DPP10: variants seen among roughly 807,000 people sequenced by gnomAD.
DPP10 encodes dipeptidyl peptidase like 10, also known as inactive dipeptidyl peptidase 10.
Under a neutral mutation model 120.9 loss-of-function variants are expected in DPP10, and 33 were observed. That is an observed-to-expected ratio of 0.27 (90% CI 0.21 to 0.37). DPP10 has a LOEUF of 0.37. Among genes scored for constraint, DPP10 ranks in the 10% least tolerant of loss-of-function variants. The pLI, the probability that DPP10 is intolerant of heterozygous loss-of-function variation, is 1.00. For missense variants in DPP10, 816 were observed against 942.8 expected, an observed-to-expected ratio of 0.87 and a Z score of 1.76; for synonymous variants, 337 against 326.1, an observed-to-expected ratio of 1.03 and a Z score of -0.36.
At chr2:115,229,914 A>G (rs1442626710) in intron 1 of DPP10, among the ~76,000 whole-genome samples, 1 of 142,306 alleles carries the variant, frequency 7.0e-6, no homozygotes, top group Non-Finnish European at 1.5e-5. Flanking sequence ...GTCTTTTGTG[A>G]TTCCACGTAA....
At chr2:115,101,661 G>A (rs2048697292) in intron 1 of DPP10, among the ~76,000 whole-genome samples, 1 of 152,200 alleles carries the variant, frequency 6.6e-6, no homozygotes, top group African/African-American at 2.4e-5. Flanking sequence ...GCTGTCTTTA[G>A]AATCCAAAGT....
At chr2:114,643,853 T>C (rs1156415119) in intron 1 of DPP10, among the ~76,000 whole-genome samples, 4 of 151,116 alleles carry the variant, frequency 2.6e-5, no homozygotes, top group African/African-American at 9.8e-5. Flanking sequence ...TAAACCCACT[T>C]GATTAGTGTG....
chr2:115,019,407 T>C (rs1446003328), intron 1 of DPP10, among the ~76,000 whole-genome samples: 1 of 151,902 alleles, frequency 6.6e-6, no homozygotes, highest in Admixed American at 6.6e-5. Flanking sequence ...ATCAAATAAG[T>C]AGAAGAAAGA....
At position 115,497,003 on chromosome 2, in the gene DPP10, A is replaced by AGAG. The variant is rs2076432076; in HGVS notation, c.272-2506_272-2505insAGG. ...GGATGGGAGGTCACAGGACTGGTTGAGTCATGAGTCCAGGTGAGGCCAGTC... is the reference window on the plus strand; with the variant it reads ...GGATGGGAGGTCACAGGACTGGTTGAGAGGTCATGAGTCCAGGTGAGGCCAGTC... On this transcript the variant is annotated intron_variant, in intron 3 of 25. Transcript: ENST00000410059. Among the ~76,000 whole-genome samples, 5 of 152,154 alleles carry AGAG rather than the reference A, an allele frequency of 3.3e-5. No homozygotes were observed. In the South Asian group the frequency reaches 1.0e-3, roughly 32 times the overall value.
At chr2:115,628,874 G>T (rs1399638903) in intron 5 of DPP10, among the ~76,000 whole-genome samples, 2 of 151,632 alleles carry the variant, frequency 1.3e-5, no homozygotes, top group African/African-American at 2.4e-5. Context: ...GTGCAGGTTT[G>T]TTACATATGT....
chr2:115,040,218 G>A (rs1371056534), intron 1 of DPP10, among the ~76,000 whole-genome samples: 1 of 151,704 alleles, frequency 6.6e-6, no homozygotes, highest in Non-Finnish European at 1.5e-5. Flanking sequence ...CAGGGACACA[G>A]GTCCAAACCA....
chr2:114,784,711 A>G (rs932241681), intron 1 of DPP10, among the ~76,000 whole-genome samples: 2 of 151,678 alleles, frequency 1.3e-5, no homozygotes, highest in African/African-American at 4.8e-5. Context: ...GGTAATAAAA[A>G]TTAAGAATAT....
chr2:115,026,333 T>TA (rs1304977754), intron 1 of DPP10, among the ~76,000 whole-genome samples: 4 of 152,146 alleles, frequency 2.6e-5, no homozygotes, highest in African/African-American at 9.7e-5. Context: ...GGTATAAATG[T>TA]ATGGATTTAT....
intron 3 of DPP10, among the ~76,000 whole-genome samples, chr2:115,395,063 T>G (rs1220364268): frequency 2.0e-5 from 3 of 152,218 alleles, no homozygotes; most frequent in Non-Finnish European, 4.4e-5. Flanking sequence ...CTATGTGATT[T>G]GTTTGCTAGA....
chr2:114,960,228 A>T (rs1384720369), intron 1 of DPP10, among the ~76,000 whole-genome samples: 1 of 152,118 alleles, frequency 6.6e-6, no homozygotes, highest in African/African-American at 2.4e-5. Context: ...ATGAACTTTC[A>T]TTTTGAAGAA....
chr2:114,958,787 G>T (rs1025319773), intron 1 of DPP10, among the ~76,000 whole-genome samples: 5 of 152,044 alleles, frequency 3.3e-5, no homozygotes, highest in African/African-American at 4.8e-5. Context: ...TAATAAGCCA[G>T]TATAATAGAT....
chr2:115,270,066 TCACACACACACACACACACACACA>T (rs57649162), intron 1 of DPP10, among the ~76,000 whole-genome samples: 3 of 130,724 alleles, frequency 2.3e-5, no homozygotes, highest in Admixed American at 7.7e-5. Flanking sequence ...TAGGTATACT[TCACACACACACACACACACACACA>T]CACACACACA....
chr2:114,542,997 G>A (rs1375444469), intron 1 of DPP10, among the ~76,000 whole-genome samples: 4 of 152,096 alleles, frequency 2.6e-5, no homozygotes, highest in Non-Finnish European at 5.9e-5. Flanking sequence ...GAGAACAGTG[G>A]CTTATCTTTT....
At chr2:114,537,532 G>A (rs1281629375) in intron 1 of DPP10, among the ~76,000 whole-genome samples, 1 of 152,124 alleles carries the variant, frequency 6.6e-6, no homozygotes, top group Non-Finnish European at 1.5e-5. Flanking sequence ...TGTGCACAAG[G>A]AGGATCCCTT....
chr2:115,540,113 C>T (rs1232546689), intron 5 of DPP10, among the ~76,000 whole-genome samples: 1 of 151,782 alleles, frequency 6.6e-6, no homozygotes, highest in African/African-American at 2.4e-5. Context: ...ATGAGGTCAA[C>T]ACAGTTTTAA....
At chr2:114,923,326 C>T (rs188061672) in intron 1 of DPP10, among the ~76,000 whole-genome samples, 19 of 151,096 alleles carry the variant, frequency 1.3e-4, no homozygotes, top group East Asian at 7.8e-4. Flanking sequence ...TGGGATTACA[C>T]GTGTGCGCCA....
intron 1 of DPP10, among the ~76,000 whole-genome samples, chr2:114,843,970 CTTTGGT>C (rs2106459749): frequency 6.6e-6 from 1 of 152,224 alleles, no homozygotes; most frequent in East Asian, 1.9e-4. Flanking sequence ...TAAAAAATGT[CTTTGGT>C]GTAAACAACA....
intron 5 of DPP10, among the ~76,000 whole-genome samples, chr2:115,679,352 A>G (rs1179735141): frequency 6.6e-6 from 1 of 152,162 alleles, no homozygotes; most frequent in African/African-American, 2.4e-5. Flanking sequence ...TTCTCATGAT[A>G]GTAAGTTCTC....
At chr2:115,725,282 A>G (rs953773541) in intron 7 of DPP10, among the ~76,000 whole-genome samples, 1 of 152,136 alleles carries the variant, frequency 6.6e-6, no homozygotes, top group African/African-American at 2.4e-5. Flanking sequence ...TCAAATTGTT[A>G]CTAATGGTTA....
Sources: gnomAD v4.1 joint callset for allele counts (sites outside exome capture counted in the v4.1 genomes callset) on GRCh38, gnomAD v4.1.1 for gene constraint, MANE v1.5 for transcripts, NCBI Gene and HGNC (gene_info 2026-07-23, HGNC 2026-07-21) for gene names.